The following IL1R1 variants were observed in gnomAD, a reference collection of about 807,000 sequenced individuals.
The protein encoded by IL1R1 is interleukin 1 receptor type 1, also known as interleukin-1 receptor type 1.
A neutral mutation model predicts 50.2 loss-of-function variants in IL1R1; 22 were observed. That is an observed-to-expected ratio of 0.44 (90% confidence interval 0.31 to 0.63). The LOEUF (loss-of-function observed/expected upper bound fraction) is 0.63, where lower values mean the gene tolerates loss of function less well. Ranked by LOEUF, IL1R1 falls within the 20% of genes least tolerant of loss-of-function variation. The pLI, the probability that IL1R1 is intolerant of heterozygous loss-of-function variation, is 0.07. For missense variants in IL1R1, 509 were observed against 676.2 expected, an observed-to-expected ratio of 0.75 and a Z score of 2.74; for synonymous variants, 251 against 236.7, an observed-to-expected ratio of 1.06 and a Z score of -0.55.
intron 1 of IL1R1, among the ~76,000 whole-genome samples, chr2:102,119,017 C>CAA (rs56327525): frequency 0.061 from 4,449 of 73,424 alleles, 458 homozygotes; most frequent in African/African-American, 0.2. Flanking sequence ...GACTGTGTCT[C>CAA]AAAAAAAAAA....
chr2:102,140,833 G>A (rs1682605834), upstream of IL1R1, among the ~76,000 whole-genome samples: 2 of 152,286 alleles, frequency 1.3e-5, no homozygotes, highest in East Asian at 1.9e-4. Context: ...GTGGTAATAA[G>A]GTGAGAAAGA....
At chr2:102,116,855 T>C (rs1461045508) in intron 1 of IL1R1, among the ~76,000 whole-genome samples, 1 of 152,194 alleles carries the variant, frequency 6.6e-6, no homozygotes, top group Non-Finnish European at 1.5e-5. Flanking sequence ...CCTCGTAACA[T>C]TTTCCTAGAT....
intron 1 of IL1R1, among the ~76,000 whole-genome samples, chr2:102,126,534 C>T (rs997946960): frequency 6.6e-6 from 1 of 151,504 alleles, no homozygotes; most frequent in Non-Finnish European, 1.5e-5. Flanking sequence ...ACAAACAGAG[C>T]TAGGCTTCAG....
Position 102,085,388 on chromosome 2 carries a change from T to C in IL1R1, c.-84+14855T>C, listed in dbSNP as rs143598064. ...TGCAGACCAACAATTAAGATTTGGA[T>C]ATGGTATTAAGCAGTGGCTCAAGGT... On this transcript the variant is annotated intron_variant, in intron 1 of 11. Coordinates refer to the IL1R1 transcript ENST00000409929. Among the ~76,000 whole-genome samples the C allele has an allele frequency of 3.9e-4, 59 of 152,306 alleles. No homozygotes were observed. In the East Asian group the frequency reaches 9.1e-3, roughly 23 times the overall value.
At chr2:102,103,412 G>A (rs1680235837), upstream of IL1R1, among the ~76,000 whole-genome samples, 3 of 152,170 alleles carry the variant, frequency 2.0e-5, no homozygotes, top group South Asian at 6.2e-4. Context: ...AGGAGTGGCA[G>A]TGGCAGAATT....
intron 1 of IL1R1, among the ~76,000 whole-genome samples, chr2:102,085,051 A>C (rs567535534): frequency 6.6e-6 from 1 of 152,276 alleles, no homozygotes; most frequent in South Asian, 2.1e-4. Context: ...GGATCAGTTC[A>C]ACCTTTTGTT....
upstream of IL1R1, chr2:102,104,415 TG>T (rs1430931741): frequency 6.6e-6 from 1 of 152,210 alleles, no homozygotes; most frequent in African/African-American, 2.4e-5. Flanking sequence ...CACAAAGTCA[TG>T]AGAGGAAAGC....
At chr2:102,070,967 C>G (rs536051975) in intron 1 of IL1R1, among the ~76,000 whole-genome samples, 1 of 151,736 alleles carries the variant, frequency 6.6e-6, no homozygotes, top group Admixed American at 6.6e-5. Context: ...AAGACACATT[C>G]TTTTTCAAGA....
intron 1 of IL1R1, among the ~76,000 whole-genome samples, chr2:102,121,113 T>A (rs1055340054): frequency 1.3e-5 from 2 of 152,138 alleles, no homozygotes; most frequent in African/African-American, 2.4e-5. Flanking sequence ...TCATCCTGCT[T>A]GGTCAATGGC....
intron 1 of IL1R1, among the ~76,000 whole-genome samples, chr2:102,132,349 G>A (rs916571131): frequency 3.3e-5 from 5 of 152,012 alleles, no homozygotes; most frequent in African/African-American, 1.2e-4. Flanking sequence ...ATATGTAAAA[G>A]TAAAATGAAT....
At chr2:102,090,953 G>C (rs1266515292) in intron 1 of IL1R1, among the ~76,000 whole-genome samples, 2 of 152,162 alleles carry the variant, frequency 1.3e-5, no homozygotes, top group Admixed American at 1.3e-4. Flanking sequence ...CTGTTCAGTA[G>C]ATGCAATGAG....
chr2:102,170,469 T>C (rs1685574502), intron 7 of IL1R1, among the ~76,000 whole-genome samples: 1 of 152,250 alleles, frequency 6.6e-6, no homozygotes, highest in South Asian at 2.1e-4. Context: ...ATTTTTATTA[T>C]TGTTTCCTGA....
intron 1 of IL1R1, among the ~76,000 whole-genome samples, chr2:102,093,117 GT>G (rs1187320712): frequency 6.6e-6 from 1 of 152,254 alleles, no homozygotes; most frequent in East Asian, 1.9e-4. Flanking sequence ...GGAATTGCCT[GT>G]TATTCAAGTA....
intron 1 of IL1R1, among the ~76,000 whole-genome samples, chr2:102,085,078 T>A (rs1001673899): frequency 2.0e-5 from 3 of 152,242 alleles, no homozygotes; most frequent in Non-Finnish European, 4.4e-5. Context: ...TCTATTGGGT[T>A]ACCTAGATTT....
intron 1 of IL1R1, among the ~76,000 whole-genome samples, chr2:102,085,007 AT>A (rs1679374828): frequency 6.6e-6 from 1 of 152,094 alleles, no homozygotes; most frequent in South Asian, 2.1e-4. Flanking sequence ...TTTTCAAATT[AT>A]TTTTTGGCCA....
intron 1 of IL1R1, among the ~76,000 whole-genome samples, chr2:102,133,436 A>G (rs1682157334): frequency 6.6e-6 from 1 of 152,202 alleles, no homozygotes; most frequent in Non-Finnish European, 1.5e-5. Context: ...TTACCCAGAT[A>G]TCAAAACCAA....
chr2:102,129,545 C>T (rs1452415325), intron 1 of IL1R1, among the ~76,000 whole-genome samples: 4 of 152,142 alleles, frequency 2.6e-5, no homozygotes, highest in African/African-American at 4.8e-5. Flanking sequence ...AGGATTTGTA[C>T]CCCCTAAAGG....
At chr2:102,091,053 C>G (rs951090649) in intron 1 of IL1R1, among the ~76,000 whole-genome samples, 2 of 152,178 alleles carry the variant, frequency 1.3e-5, no homozygotes, top group African/African-American at 4.8e-5. Flanking sequence ...TGAGACTTTT[C>G]TGGGCTTTTC....
chr2:102,179,535 T>C lies in IL1R1; in HGVS notation c.*2776T>C, dbSNP rs566536451. 5.2e-5 allele frequency: 8 copies of C among 152,910 alleles called. No homozygotes were observed. The highest frequency in any genetic ancestry group is 1.7e-4 in the African/African-American group (7 of 41,590). The allele number at this position is 152,910 out of a possible 1,614,324, so 9.5% of individuals were successfully genotyped here. A position where few individuals can be genotyped will look rare whatever the true frequency, so the allele number is the denominator to read the frequency against. ...ATTAGATTTTCTTGCAGTTTTTTTA[T>C]GGCATTTTTTTAAAGATGCCCTAAG... is the stretch of plus-strand genomic sequence containing the variant. On this transcript the variant is annotated 3_prime_UTR_variant, in exon 12 of 12. Coordinates refer to ENST00000410023, the MANE Select transcript of IL1R1 (RefSeq NM_000877.4).
Sources: gnomAD v4.1 joint callset for allele counts (sites outside exome capture counted in the v4.1 genomes callset) on GRCh38, gnomAD v4.1.1 for gene constraint, MANE v1.5 for transcripts, NCBI Gene and HGNC (gene_info 2026-07-23, HGNC 2026-07-21) for gene names.